CACUL1: variants seen among roughly 807,000 people sequenced by gnomAD.
The protein encoded by CACUL1 is CDK2-associated and cullin domain-containing protein 1.
CACUL1 carries 13 observed loss-of-function variants against 45.2 expected under a neutral mutation model. The observed-to-expected ratio is 0.29, with a 90% CI of 0.19 to 0.46. CACUL1 has a LOEUF of 0.46. Ranked by LOEUF, CACUL1 falls within the 20% of genes least tolerant of loss-of-function variation. The pLI is 1.00. For missense variants in CACUL1, 421 were observed against 471.4 expected (o/e 0.89, Z 0.99); for synonymous variants, 197 against 174.2 (o/e 1.13, Z -1.03).
At chr10:118,712,148 T>C (rs1222225454) in intron 3 of CACUL1, among the ~76,000 whole-genome samples, 1 of 152,228 alleles carries the variant, frequency 6.6e-6, no homozygotes, top group East Asian at 1.9e-4. Context: ...GGTGTTGTTT[T>C]TCTGGCCAGA....
chr10:118,735,982 G>T (rs1201023173), intron 1 of CACUL1, among the ~76,000 whole-genome samples: 1 of 152,014 alleles, frequency 6.6e-6, no homozygotes, highest in African/African-American at 2.4e-5. Context: ...GAAAAATGAT[G>T]ACTTTTTGTC....
intron 1 of CACUL1, among the ~76,000 whole-genome samples, chr10:118,737,435 T>C (rs1422862497): frequency 1.3e-5 from 2 of 152,120 alleles, no homozygotes; most frequent in Non-Finnish European, 1.5e-5. Flanking sequence ...TAAGTTCTCA[T>C]TAACACACTC....
chr10:118,750,554 C>T (rs753308076), intron 1 of CACUL1, among the ~76,000 whole-genome samples: 2 of 152,164 alleles, frequency 1.3e-5, no homozygotes, highest in Admixed American at 1.3e-4. Context: ...TTATCTCTGT[C>T]CCAAAACTAG....
At chr10:118,735,320 T>G (rs1845730478) in intron 1 of CACUL1, among the ~76,000 whole-genome samples, 1 of 152,236 alleles carries the variant, frequency 6.6e-6, no homozygotes, top group African/African-American at 2.4e-5. Context: ...GGAATTATAG[T>G]AAGCATTATG....
intron 1 of CACUL1, among the ~76,000 whole-genome samples, chr10:118,745,320 G>A (rs1358664932): frequency 6.6e-6 from 1 of 152,100 alleles, no homozygotes; most frequent in African/African-American, 2.4e-5. Context: ...CACTTTGGGA[G>A]GCCGAGGTAG....
rs566468307 is a variant in CACUL1, at chr10:118,699,889, C to T, written c.796+1417G>A. Among the ~76,000 whole-genome samples the T allele has an allele frequency of 2.6e-5, 4 of 152,182 alleles. No individual in the cohort carries two copies. In the East Asian group the frequency reaches 7.7e-4, roughly 29 times the overall value. ...GATCTCAATCTCCTGACCTCGTGATCCGCCGGCCTCAGCCTCCCAAAGCGC... is the reference window on the plus strand; with the variant it reads ...GATCTCAATCTCCTGACCTCGTGATTCGCCGGCCTCAGCCTCCCAAAGCGC... On this transcript the variant is annotated intron_variant, in intron 5 of 8. Coordinates refer to ENST00000369151, the MANE Select transcript of CACUL1 (RefSeq NM_153810.5).
At chr10:118,698,297 C>T (rs1431250713) in intron 5 of CACUL1, among the ~76,000 whole-genome samples, 1 of 152,008 alleles carries the variant, frequency 6.6e-6, no homozygotes, top group Non-Finnish European at 1.5e-5. Flanking sequence ...GCACGTGCCA[C>T]CACACCCGGC....
At chr10:118,744,286 T>C (rs1432023061) in intron 1 of CACUL1, among the ~76,000 whole-genome samples, 2 of 152,132 alleles carry the variant, frequency 1.3e-5, no homozygotes, top group Non-Finnish European at 2.9e-5. Context: ...CTCAGGAGGC[T>C]GGGGCAGGAG....
intron 1 of CACUL1, among the ~76,000 whole-genome samples, chr10:118,744,662 G>A (rs1013974770): frequency 1.3e-5 from 2 of 151,948 alleles, no homozygotes; most frequent in African/African-American, 4.8e-5. Context: ...GTTTTTTTGG[G>A]GGGCCGGGGC....
At chr10:118,702,443 G>A (rs141858080) in intron 4 of CACUL1, among the ~76,000 whole-genome samples, 2 of 151,980 alleles carry the variant, frequency 1.3e-5, no homozygotes, top group Admixed American at 6.6e-5. Flanking sequence ...AACCAACCCT[G>A]GACACAGCCT....
At chr10:118,690,656 A>G (rs1182006136) in intron 7 of CACUL1, among the ~76,000 whole-genome samples, 1 of 152,234 alleles carries the variant, frequency 6.6e-6, no homozygotes, top group Non-Finnish European at 1.5e-5. Context: ...AGATCATAAA[A>G]GTTCTATATG....
chr10:118,677,399 A>C lies in CACUL1; in HGVS notation c.*8729T>G, dbSNP rs1454857589. The C allele has an allele frequency of 6.6e-6, 1 of 152,128 alleles. No individual in the cohort carries two copies. The highest frequency in any genetic ancestry group is 1.5e-5 in the Non-Finnish European group (1 of 68,018). The allele number at this position is 152,128 out of a possible 1,614,324, so 9.4% of individuals were successfully genotyped here. ...TTGGCTTTACACTGAATATACATTA[A>C]CTCAGAGAACTGGCATGTTTAGAAT... is the stretch of plus-strand genomic sequence containing the variant. On this transcript the variant is annotated 3_prime_UTR_variant, in exon 9 of 9. Coordinates refer to ENST00000369151, the MANE Select transcript of CACUL1 (RefSeq NM_153810.5).
At chr10:118,687,528 C>T (rs1554893896) in intron 7 of CACUL1, among the ~76,000 whole-genome samples, 2 of 152,088 alleles carry the variant, frequency 1.3e-5, no homozygotes, top group Non-Finnish European at 2.9e-5. Flanking sequence ...CCAAGCCAAG[C>T]CACAGTCTTC....
intron 7 of CACUL1, 101 bp downstream of exon 7, chr10:118,691,164 T>C (rs1589601933): frequency 3.0e-6 from 3 of 983,884 alleles, no homozygotes; most frequent in East Asian, 4.8e-5. Context: ...CTTGGCCAGT[T>C]ACCTCCCATT....
chr10:118,727,417 A>AC, intron 3 of CACUL1, among the ~76,000 whole-genome samples: 1 of 151,098 alleles, frequency 6.6e-6, no homozygotes, highest in Middle Eastern at 3.4e-3. Context: ...AAAAAAAAAA[A>AC]CACTAACATC....
chr10:118,741,844 T>C (rs1845796259), intron 1 of CACUL1, among the ~76,000 whole-genome samples: 1 of 152,182 alleles, frequency 6.6e-6, no homozygotes, highest in African/African-American at 2.4e-5. Context: ...TTTCTATCTA[T>C]CCATGTTTAA....
intron 3 of CACUL1, among the ~76,000 whole-genome samples, chr10:118,717,954 CA>C (rs35307033): frequency 0.13 from 19,133 of 151,848 alleles, 1,436 homozygotes; most frequent in Admixed American, 0.26. Flanking sequence ...TCCTCCATGA[CA>C]AAAAAAGGTG....
At chr10:118,712,576 G>A (rs562121968) in intron 3 of CACUL1, among the ~76,000 whole-genome samples, 1 of 152,242 alleles carries the variant, frequency 6.6e-6, no homozygotes, top group Non-Finnish European at 1.5e-5. Context: ...AGACAAAGAG[G>A]AGCTTCACTG....
chr10:118,690,550 TAAG>T (rs1239471668), intron 7 of CACUL1, among the ~76,000 whole-genome samples: 1 of 152,112 alleles, frequency 6.6e-6, no homozygotes, highest in African/African-American at 2.4e-5. Flanking sequence ...ATGCCCTACT[TAAG>T]AAGAAACCAC....
Sources: allele counts gnomAD v4.1 joint callset (sites outside exome capture counted in the v4.1 genomes callset), GRCh38; gene constraint gnomAD v4.1.1; transcripts MANE v1.5; gene names NCBI Gene and HGNC (gene_info 2026-07-23, HGNC 2026-07-21).